Variants in ZBTB20 observed in about 807,000 individuals in gnomAD.
ZBTB20 encodes the protein zinc finger and BTB domain containing 20.
A neutral mutation model predicts 56.9 loss-of-function variants in ZBTB20; 9 were observed. The observed-to-expected ratio is 0.16, with a 90% CI of 0.10 to 0.28. ZBTB20 has a LOEUF of 0.28. Among genes scored for constraint, ZBTB20 ranks in the 10% least tolerant of loss-of-function variants. ZBTB20 has a pLI of 1.00. For synonymous variants in ZBTB20, 417 were observed against 420.7 expected, an observed-to-expected ratio of 0.99 and a Z score of 0.11; for missense variants, 655 against 1,003.0, an observed-to-expected ratio of 0.65 and a Z score of 4.69.
intron 5 of ZBTB20, among the ~76,000 whole-genome samples, chr3:114,713,092 A>G (rs1420830235): frequency 6.6e-6 from 1 of 152,194 alleles, no homozygotes; most frequent in Non-Finnish European, 1.5e-5. Context: ...CTAGTATACC[A>G]TATGAAGTGC....
At position 114,624,376 on chromosome 3, in the gene ZBTB20, A is replaced by T. The variant is rs1048668261; in HGVS notation, c.-295+69152T>A. On this transcript the variant is annotated intron_variant, in intron 6 of 11. Transcript: ENST00000675478. Reference sequence around the variant, plus strand: ...AGAGAAACAAAAAAAAAAAAAACCCATCCCGTCCTGCCAGAGGAATGTACA... The same window carrying T: ...AGAGAAACAAAAAAAAAAAAAACCCTTCCCGTCCTGCCAGAGGAATGTACA... 7.2e-4 allele frequency among the ~76,000 whole-genome samples: 108 copies of T among 149,732 alleles called. 7 individuals carry two copies. Among genetic ancestry groups the T allele is most frequent in the Non-Finnish European group, 2.7e-4 (18 of 67,406 alleles).
At chr3:114,399,888 T>C (rs2086665863) in intron 7 of ZBTB20, among the ~76,000 whole-genome samples, 2 of 152,114 alleles carry the variant, frequency 1.3e-5, no homozygotes, top group Admixed American at 1.3e-4. Flanking sequence ...GACCTAGACA[T>C]GTTAAAGATT....
chr3:114,975,669 T>C lies in ZBTB20; in HGVS notation c.-506-1253A>G, dbSNP rs553446594. On this transcript the variant is annotated intron_variant, in intron 2 of 11. Transcript: ENST00000675478. ...AGGAGGGATGCTAAAAGTTAGTAAC[T>C]GCTAGGAGGAGTGAGACCAGAACAA... 3.3e-5 allele frequency among the ~76,000 whole-genome samples: 5 copies of C among 152,246 alleles called. No individual in the cohort carries two copies. The East Asian group carries it at 7.7e-4, about 23-fold the overall frequency.
intron 2 of ZBTB20, among the ~76,000 whole-genome samples, chr3:115,044,384 A>G (rs1275385353): frequency 1.3e-5 from 2 of 152,224 alleles, no homozygotes. Context: ...TATAGGTATC[A>G]GGCATACTTT....
chr3:115,094,464 A>G (rs2083307288), intron 1 of ZBTB20, among the ~76,000 whole-genome samples: 1 of 151,898 alleles, frequency 6.6e-6, no homozygotes, highest in Non-Finnish European at 1.5e-5. Context: ...ATGAAGCCAC[A>G]TAGTTTTCAC....
At chr3:114,823,226 G>A (rs1258046607) in intron 4 of ZBTB20, among the ~76,000 whole-genome samples, 2 of 152,036 alleles carry the variant, frequency 1.3e-5, no homozygotes, top group African/African-American at 2.4e-5. Context: ...AGGCACCATT[G>A]AAATGTGGCC....
At chr3:114,449,769 G>A (rs1046342524) in intron 7 of ZBTB20, among the ~76,000 whole-genome samples, 3 of 150,468 alleles carry the variant, frequency 2.0e-5, no homozygotes, top group Non-Finnish European at 3.0e-5. Context: ...TTTAGCTTTC[G>A]ATTCCAGATG....
intron 1 of ZBTB20, among the ~76,000 whole-genome samples, chr3:115,093,219 T>C (rs934912670): frequency 6.6e-6 from 1 of 152,164 alleles, no homozygotes; most frequent in Non-Finnish European, 1.5e-5. Flanking sequence ...ATAAAGTTTC[T>C]TTCAACATAC....
chr3:114,620,300 CTTTTT>C (rs922730144), intron 6 of ZBTB20, among the ~76,000 whole-genome samples: 2 of 151,060 alleles, frequency 1.3e-5, no homozygotes, highest in Non-Finnish European at 3.0e-5. Flanking sequence ...CTTTTCTTTT[CTTTTT>C]TTTTGAGATG....
chr3:114,941,975 T>C (rs1576383235), intron 3 of ZBTB20, among the ~76,000 whole-genome samples: 1 of 146,296 alleles, frequency 6.8e-6, no homozygotes, highest in Middle Eastern at 3.4e-3. Flanking sequence ...AAACTGTTTA[T>C]ACCCCATGTA....
chr3:114,580,527 G>T (rs1171495777), intron 6 of ZBTB20, among the ~76,000 whole-genome samples: 1 of 151,654 alleles, frequency 6.6e-6, no homozygotes. Flanking sequence ...GAACATTTAA[G>T]AATTAGAATT....
At chr3:114,778,936 A>G (rs897970234) in intron 5 of ZBTB20, among the ~76,000 whole-genome samples, 9 of 152,248 alleles carry the variant, frequency 5.9e-5, no homozygotes, top group African/African-American at 2.2e-4. Flanking sequence ...GAAAGATAAC[A>G]TAAGTCATTC....
intron 4 of ZBTB20, among the ~76,000 whole-genome samples, chr3:114,823,240 T>C (rs1425092499): frequency 1.3e-5 from 2 of 152,076 alleles, no homozygotes; most frequent in Admixed American, 6.6e-5. Context: ...TGTGGCCACC[T>C]GAGGCATGTA....
At chr3:114,724,187 G>A (rs2065113440) in intron 5 of ZBTB20, among the ~76,000 whole-genome samples, 1 of 152,018 alleles carries the variant, frequency 6.6e-6, no homozygotes. Context: ...AGATATACTT[G>A]GGTTTCTTAA....
At chr3:114,712,346 T>C (rs2064139552) in intron 5 of ZBTB20, among the ~76,000 whole-genome samples, 1 of 152,042 alleles carries the variant, frequency 6.6e-6, no homozygotes, top group African/African-American at 2.4e-5. Context: ...CTTTAGAAAA[T>C]TAATGTTATA....
At chr3:114,787,368 T>TATATATATATATATATACACATAC (rs1433434685) in intron 5 of ZBTB20, among the ~76,000 whole-genome samples, 1 of 106,332 alleles carries the variant, frequency 9.4e-6, no homozygotes, top group African/African-American at 4.5e-5. Flanking sequence ...TATATATATA[T>TATATATATATATATATACACATAC]ACACACACAC....
chr3:114,839,467 G>GAA (rs1420146858), intron 4 of ZBTB20, among the ~76,000 whole-genome samples: 132 of 150,220 alleles, frequency 8.8e-4, no homozygotes, highest in South Asian at 1.5e-3. Context: ...AAGAAAGAAA[G>GAA]AGAGAGAGAA....
chr3:114,846,174 A>G (rs1463858158), intron 4 of ZBTB20, among the ~76,000 whole-genome samples: 2 of 152,140 alleles, frequency 1.3e-5, no homozygotes, highest in African/African-American at 4.8e-5. Flanking sequence ...GTGTGTTTGT[A>G]TGCATGTGTA....
At chr3:114,381,892 G>A (rs1351330001) in intron 8 of ZBTB20, among the ~76,000 whole-genome samples, 1 of 152,166 alleles carries the variant, frequency 6.6e-6, no homozygotes, top group African/African-American at 2.4e-5. Flanking sequence ...GCCAATACAA[G>A]AGAAGCAACA....
Sources: allele counts gnomAD v4.1 joint callset (sites outside exome capture counted in the v4.1 genomes callset), GRCh38; gene constraint gnomAD v4.1.1; transcripts MANE v1.5; gene names NCBI Gene and HGNC (gene_info 2026-07-23, HGNC 2026-07-21).